Variants in ALMS1 observed in about 807,000 individuals in gnomAD.
ALMS1 encodes ALMS1 centrosome and basal body associated protein, also known as centrosome-associated protein ALMS1.
A neutral mutation model predicts 352.2 loss-of-function variants in ALMS1; 271 were observed. The observed-to-expected ratio is 0.77, with a 90% CI of 0.70 to 0.85. ALMS1 has a LOEUF of 0.85. ALMS1 is among the 40% of genes least tolerant of loss of function. ALMS1 has a pLI of 0.00. For synonymous variants in ALMS1, 1,865 were observed against 1,761.2 expected (o/e 1.06, Z -1.48); for missense variants, 5,445 against 4,870.7 (o/e 1.12, Z -3.51).
chr2:73,453,918 G>C lies in ALMS1; in HGVS notation c.7391G>C (p.Gly2464Ala). The C allele has an allele frequency of 6.2e-7, 1 of 1,614,100 alleles. No homozygotes were observed. Among genetic ancestry groups the C allele is most frequent in the Non-Finnish European group, 8.5e-7 (1 of 1,180,004 alleles). Residue 2464 changes from glycine to alanine, a missense_variant, in exon 8 of 23, where the codon GGT becomes GCT. Transcript: ENST00000613296. ...TSITDSREEE[G>A]VSESEDGGGS... ...ATAACAGATAGCAGGGAGGAAGAGG[G>C]TGTGTCAGAGAGTGAGGATGGTGGT...
Position 73,432,293 on chromosome 2 carries a change from T to C in ALMS1, c.1432+2T>C. ...AGGCTCCTAAACATTTAAAAGCAGG[T>C]ACGTAGAAAAAGGAGATAGTAAATG... is the stretch of plus-strand genomic sequence containing the variant. On this transcript the variant is annotated splice_donor_variant, in intron 7 of 22. Transcript: ENST00000613296. LOFTEE classifies it high-confidence loss of function. 6.2e-7 allele frequency: 1 copy of C among 1,604,544 alleles called. No individual in the cohort carries two copies. Among genetic ancestry groups the C allele is most frequent in the Admixed American group, 1.7e-5 (1 of 60,008 alleles).
intron 16 of ALMS1, among the ~76,000 whole-genome samples, chr2:73,582,292 T>C (rs1221074959): frequency 2.0e-5 from 3 of 152,238 alleles, no homozygotes; most frequent in African/African-American, 7.2e-5. Flanking sequence ...TGGCTTTTTT[T>C]CATTCTGATG....
chr2:73,554,487 C>G (rs560150061), intron 13 of ALMS1, among the ~76,000 whole-genome samples: 1 of 151,230 alleles, frequency 6.6e-6, no homozygotes, highest in Non-Finnish European at 1.5e-5. Flanking sequence ...GGGTGGATCA[C>G]GAGGTCAGGA....
intron 7 of ALMS1, among the ~76,000 whole-genome samples, chr2:73,436,855 T>A (rs1488646365): frequency 6.6e-6 from 1 of 152,256 alleles, no homozygotes; most frequent in African/African-American, 2.4e-5. Context: ...TAATTGTTAC[T>A]GGCTAAGCCC....
intron 1 of ALMS1, among the ~76,000 whole-genome samples, chr2:73,400,066 T>C (rs1670843319): frequency 2.0e-5 from 3 of 151,754 alleles, no homozygotes; most frequent in Admixed American, 2.0e-4. Context: ...CCCTCCTGAG[T>C]AACTGGGACC....
At chr2:73,395,103 A>C (rs1370954149) in intron 1 of ALMS1, among the ~76,000 whole-genome samples, 3 of 90,650 alleles carry the variant, frequency 3.3e-5, no homozygotes, top group South Asian at 3.0e-4. Context: ...TTTTTTTGAG[A>C]CAGAGTCTCG....
intron 17 of ALMS1, among the ~76,000 whole-genome samples, chr2:73,599,749 C>T (rs567507409): frequency 1.1e-4 from 16 of 151,992 alleles, no homozygotes; most frequent in African/African-American, 3.9e-4. Flanking sequence ...GAAGTTGATT[C>T]ACTGTGAAAG....
chr2:73,443,470 CT>C (rs1220295246), intron 7 of ALMS1, among the ~76,000 whole-genome samples: 1 of 152,126 alleles, frequency 6.6e-6, no homozygotes, highest in Non-Finnish European at 1.5e-5. Context: ...CTGTTTTTCA[CT>C]GTTCACCATG....
chr2:73,453,236 G>A lies in ALMS1; in HGVS notation c.6709G>A (p.Glu2237Lys), dbSNP rs780913464. The A allele has an allele frequency of 6.2e-7, 1 of 1,613,978 alleles. No individual in the cohort carries two copies. The highest frequency in any genetic ancestry group is 1.3e-5 in the African/African-American group (1 of 75,032). The change falls in exon 8 of 23, where the codon GAA (glutamate) becomes AAA (lysine). Residue 2237 changes from glutamate (E) to lysine (K), a missense_variant. By Grantham distance (56) the Glu-to-Lys change is moderately conservative. Transcript: ENST00000613296. ...TGACAGAGTTGTAATAAATAAACCA[G>A]AATCTGCAGGTTTTAGAGATGTTGG... ...ADDRVVINKP[E>K]SAGFRDVGSE...
chr2:73,452,072 A>G lies in ALMS1; in HGVS notation c.5545A>G (p.Asn1849Asp), dbSNP rs1323857436. 5 of 1,613,936 alleles carry G rather than the reference A, an allele frequency of 3.1e-6. No homozygotes were observed. Among genetic ancestry groups the G allele is most frequent in the South Asian group, 1.1e-5 (1 of 91,066 alleles). Residue 1849 changes from asparagine (N) to aspartate (D), a missense_variant, in exon 8 of 23, where the codon AAT becomes GAT. Physicochemically the swap from Asn to Asp is conservative, Grantham distance 23. Coordinates refer to ENST00000613296, the MANE Select transcript of ALMS1 (RefSeq NM_001378454.1). ...QKTGINILPS[N>D]SYPQREHSVI... ...GACTGGAATAAACATCCTGCCCTCT[A>G]ATTCCTACCCACAGAGAGAGCACTC...
intron 10 of ALMS1, among the ~76,000 whole-genome samples, chr2:73,505,215 T>C (rs1054043712): frequency 6.6e-6 from 1 of 152,198 alleles, no homozygotes; most frequent in African/African-American, 2.4e-5. Flanking sequence ...GTAGAATGAT[T>C]TATAATCGTT....
rs1163605126 is a variant in ALMS1, at chr2:73,452,247, A to G, written c.5720A>G (p.Gln1907Arg). ...AGAGAGAAGGCCAGTATTTTTCATC[A>G]GCAGGAGTTGCCAGATGTTACTGAA... ...SNREKASIFH[Q>R]QELPDVTEEA... is the part of the protein sequence containing the mutation. Residue 1907 changes from glutamine (Q) to arginine (R), a missense_variant, in exon 8 of 23, where the codon CAG becomes CGG. Gln to Arg is a conservative substitution (Grantham distance 43, BLOSUM62 1). Coordinates refer to ENST00000613296, the MANE Select transcript of ALMS1 (RefSeq NM_001378454.1). The G allele has an allele frequency of 6.8e-6, 11 of 1,613,972 alleles. No homozygotes were observed. The highest frequency in any genetic ancestry group is 9.3e-6 in the Non-Finnish European group (11 of 1,180,022).
At position 73,461,282 on chromosome 2, in the gene ALMS1, A is replaced by G. The variant is rs572241686; in HGVS notation, c.7674+5987A>G. 6.6e-5 allele frequency among the ~76,000 whole-genome samples: 10 copies of G among 152,366 alleles called. No homozygotes were observed. The South Asian group carries it at 1.2e-3, about 19-fold the overall frequency. ...AGGCAGCAGCATTTGCGGTTCACCA[A>G]TATCCGCTGTTCTACAGTCACTGCT... On this transcript the variant is annotated intron_variant, in intron 9 of 22. Transcript: ENST00000613296.
intron 7 of ALMS1, among the ~76,000 whole-genome samples, chr2:73,437,115 G>C (rs1671619126): frequency 6.6e-6 from 1 of 152,126 alleles, no homozygotes; most frequent in South Asian, 2.1e-4. Context: ...CATTGTTTTT[G>C]TCAGTGTCCT....
rs560279407 is a variant in ALMS1 at position 73,488,906 on chromosome 2, G to T, written c.7675-728G>T. The stretch of plus-strand genomic sequence containing the variant: ...TCTTGGTTTTTTCCCCCCATTGTTA[G>T]GGGTAAAATATTAGGATGTAGGTCA... On this transcript the variant is annotated intron_variant, in intron 9 of 22. Coordinates refer to ENST00000613296, the MANE Select transcript of ALMS1 (RefSeq NM_001378454.1). Among the ~76,000 whole-genome samples, 9 of 152,254 alleles carry T rather than the reference G, an allele frequency of 5.9e-5. No homozygotes were observed. In the South Asian group the frequency reaches 1.9e-3, roughly 32 times the overall value.
chr2:73,477,194 C>T (rs1354835596), intron 9 of ALMS1, among the ~76,000 whole-genome samples: 2 of 151,998 alleles, frequency 1.3e-5, no homozygotes, highest in African/African-American at 4.8e-5. Flanking sequence ...CATGCAAATT[C>T]GTCTTTGCAT....
At chr2:73,393,220 C>T (rs1319199646) in intron 1 of ALMS1, among the ~76,000 whole-genome samples, 1 of 152,042 alleles carries the variant, frequency 6.6e-6, no homozygotes, top group Non-Finnish European at 1.5e-5. Context: ...AAGGGATTGA[C>T]AAGATACAGT....
intron 9 of ALMS1, among the ~76,000 whole-genome samples, chr2:73,468,171 G>T (rs1190633014): frequency 6.6e-6 from 1 of 151,832 alleles, no homozygotes; most frequent in African/African-American, 2.4e-5. Context: ...TCTAATCATA[G>T]CAAAAACTTT....
rs774219024 is a variant in ALMS1, at chr2:73,557,326, A to G, written c.10185A>G (p.Glu3395=). The G allele has an allele frequency of 2.5e-6, 4 of 1,614,180 alleles. No homozygotes were observed. The highest frequency in any genetic ancestry group is 2.5e-6 in the Non-Finnish European group (3 of 1,180,004). ...TGACTGAGGCTGCCCAGGCTAAAGA[A>G]AAAGAATCTTTGCAGAAAGATACTG... is the stretch of plus-strand genomic sequence containing the variant. The part of the protein sequence containing the change: ...RAVTEAAQAK[E]KESLQKDTAD... The change falls in exon 14 of 23, where the codon GAA becomes GAG. Residue 3395 remains glutamate, a synonymous_variant. Transcript: ENST00000613296.
Sources: allele counts gnomAD v4.1 joint callset (sites outside exome capture counted in the v4.1 genomes callset), GRCh38; gene constraint gnomAD v4.1.1; transcripts MANE v1.5; gene names NCBI Gene and HGNC (gene_info 2026-07-23, HGNC 2026-07-21).